CAPS2: variants seen among roughly 807,000 people sequenced by gnomAD.
CAPS2 encodes calcyphosine 2, also known as calcyphosin-2.
In CAPS2, 98 loss-of-function variants were observed where a neutral mutation model predicts 86.5. The observed-to-expected ratio is 1.13, with a 90% CI of 0.96 to 1.34. The LOEUF (loss-of-function observed/expected upper bound fraction) is 1.34. CAPS2 is among the 40% of genes most tolerant of loss of function. The pLI, the probability that CAPS2 is intolerant of heterozygous loss-of-function variation, is 0.00. For synonymous variants in CAPS2, 210 were observed against 225.1 expected, an observed-to-expected ratio of 0.93 and a Z score of 0.60; for missense variants, 729 against 686.8, an observed-to-expected ratio of 1.06 and a Z score of -0.69.
At chr12:75,362,202 TTTTAA>T (rs2043641312) in intron 1 of CAPS2, among the ~76,000 whole-genome samples, 1 of 152,104 alleles carries the variant, frequency 6.6e-6, no homozygotes, top group Non-Finnish European at 1.5e-5. Flanking sequence ...TAAAACTCAA[TTTTAA>T]TTTTTTTTAA....
chr12:75,321,358 T>G, intron 5 of CAPS2, 42 bp downstream of exon 5: 1 of 1,278,984 alleles, frequency 7.8e-7, no homozygotes, highest in Non-Finnish European at 1.1e-6. Context: ...TGTGCAGTTT[T>G]CTTTAAATGT....
exon 17 of CAPS2, chr12:75,277,839 T>G: frequency 1.1e-6 from 1 of 906,876 alleles, no homozygotes; most frequent in Non-Finnish European, 1.3e-6. Flanking sequence ...GTCTCTTTTC[T>G]CTGTATTCCC....
intron 14 of CAPS2, among the ~76,000 whole-genome samples, chr12:75,288,309 T>A (rs972772959): frequency 6.6e-6 from 1 of 151,338 alleles, no homozygotes; most frequent in Non-Finnish European, 1.5e-5. Context: ...GGCAACATGA[T>A]ATTGGCACAG....
chr12:75,317,365 A>C (rs1368178420), intron 5 of CAPS2, among the ~76,000 whole-genome samples: 1 of 152,152 alleles, frequency 6.6e-6, no homozygotes, highest in African/African-American at 2.4e-5. Context: ...CTTCTTTCTA[A>C]ATAGCGATTT....
intron 2 of CAPS2, 133 bp downstream of exon 3, chr12:75,325,106 T>C (rs1162528788): frequency 1.5e-6 from 1 of 653,626 alleles, no homozygotes; most frequent in African/African-American, 1.9e-5. Context: ...TTTCAGGCTA[T>C]CCATATGCAT....
At chr12:75,279,056 G>C (rs1168669193) in exon 17 of CAPS2, 1 of 1,590,258 alleles carries the variant, frequency 6.3e-7, no homozygotes. Flanking sequence ...TTCTTCCTCT[G>C]TTGAATGGCC....
intron 1 of CAPS2, among the ~76,000 whole-genome samples, chr12:75,325,992 C>T (rs2040744085): frequency 6.6e-6 from 1 of 151,956 alleles, no homozygotes; most frequent in Non-Finnish European, 1.5e-5. Flanking sequence ...GCTTAGCCAC[C>T]ATGAAATAGA....
intron 1 of CAPS2, among the ~76,000 whole-genome samples, chr12:75,344,298 C>A (rs1256063023): frequency 2.0e-5 from 3 of 152,070 alleles, no homozygotes; most frequent in Non-Finnish European, 4.4e-5. Flanking sequence ...CCCACATAAA[C>A]TGATGCTCTT....
chr12:75,319,429 A>G (rs987513074), intron 5 of CAPS2, among the ~76,000 whole-genome samples: 5 of 152,110 alleles, frequency 3.3e-5, no homozygotes, highest in Non-Finnish European at 5.9e-5. Flanking sequence ...CTATGTTGCT[A>G]TGTGATCTCT....
upstream of CAPS2, among the ~76,000 whole-genome samples, chr12:75,326,946 G>A (rs73189082): frequency 1.3e-5 from 2 of 152,210 alleles, no homozygotes; most frequent in Non-Finnish European, 1.5e-5. Flanking sequence ...GAAGATGCTA[G>A]GCATTCTGGT....
At chr12:75,329,850 A>C (rs1250514067), upstream of CAPS2, 7 of 1,545,270 alleles carry the variant, frequency 4.5e-6, no homozygotes, top group Middle Eastern at 1.7e-4. Flanking sequence ...TAGCAGAAGG[A>C]ATTCCCCATC....
chr12:75,279,263 G>A (rs576518789), intron 16 of CAPS2, among the ~76,000 whole-genome samples, 198 bp from the exon 17 acceptor site: 3 of 151,984 alleles, frequency 2.0e-5, no homozygotes, highest in Admixed American at 2.0e-4. Flanking sequence ...CCTGCCCCCT[G>A]CTCTCCTGCA....
intron 13 of CAPS2, among the ~76,000 whole-genome samples, chr12:75,291,035 AG>A (rs1233374387): frequency 2.6e-5 from 4 of 152,156 alleles, no homozygotes; most frequent in Non-Finnish European, 5.9e-5. Flanking sequence ...TGTCTAATCG[AG>A]TCTACCATAC....
chr12:75,336,125 T>A (rs1300761417), intron 1 of CAPS2, among the ~76,000 whole-genome samples: 1 of 151,912 alleles, frequency 6.6e-6, no homozygotes, highest in Non-Finnish European at 1.5e-5. Context: ...CTTATATTGT[T>A]AAGAATCACA....
chr12:75,359,807 C>A (rs895527642), intron 1 of CAPS2: 6 of 152,050 alleles, frequency 3.9e-5, no homozygotes, highest in African/African-American at 1.4e-4. Context: ...TATACAACTA[C>A]AAAAATTAAC....
chr12:75,330,085 C>G (rs1235529362), upstream of CAPS2: 2 of 395,058 alleles, frequency 5.1e-6, no homozygotes, highest in Admixed American at 4.4e-5. Flanking sequence ...GGCGCCGCAG[C>G]GCAGGGCTTC....
chr12:75,328,053 T>G (rs962322828), upstream of CAPS2, among the ~76,000 whole-genome samples: 5 of 151,764 alleles, frequency 3.3e-5, no homozygotes, highest in African/African-American at 1.2e-4. Context: ...AAACATATTC[T>G]GAAAAAAAAA....
chr12:75,293,803 C>A (rs892443940), intron 11 of CAPS2, among the ~76,000 whole-genome samples: 3 of 152,166 alleles, frequency 2.0e-5, no homozygotes, highest in Non-Finnish European at 4.4e-5. Flanking sequence ...TAATTTCAAC[C>A]TAATTAGAAC....
At chr12:75,329,944 G>C (rs1432367443), upstream of CAPS2, 12 of 1,274,326 alleles carry the variant, frequency 9.4e-6, no homozygotes, top group Admixed American at 1.3e-4. Flanking sequence ...AGCTCGGTAA[G>C]AAGAGGTCCA....
Sources: gnomAD v4.1 joint callset for allele counts (sites outside exome capture counted in the v4.1 genomes callset) on GRCh38, gnomAD v4.1.1 for gene constraint, MANE v1.5 for transcripts, NCBI Gene and HGNC (gene_info 2026-07-23, HGNC 2026-07-21) for gene names.